The following CSMD3 variants were observed in gnomAD, a reference collection of about 807,000 sequenced individuals.
CSMD3 encodes CUB and Sushi multiple domains 3, also known as CUB and sushi domain-containing protein 3.
A neutral mutation model predicts 435.2 loss-of-function variants in CSMD3; 177 were observed. The ratio of observed to expected loss-of-function variants is 0.41; its 90% CI spans 0.36 to 0.46. CSMD3 has a LOEUF of 0.46. Among genes scored for constraint, CSMD3 ranks in the 20% least tolerant of loss-of-function variants. The pLI is 0.34. For synonymous variants in CSMD3, 1,656 were observed against 1,520.5 expected (o/e 1.09, Z -2.07); for missense variants, 4,265 against 4,504.6 (o/e 0.95, Z 1.52).
chr8:112,898,524 A>G (rs2082014752), intron 10 of CSMD3, among the ~76,000 whole-genome samples: 1 of 151,218 alleles, frequency 6.6e-6, no homozygotes, highest in African/African-American at 2.4e-5. Flanking sequence ...CTTATTTTGT[A>G]TAATTTGAAT....
intron 16 of CSMD3, among the ~76,000 whole-genome samples, chr8:112,679,206 A>C (rs2131765811): frequency 6.6e-6 from 1 of 152,216 alleles, no homozygotes. Context: ...AATCAATATA[A>C]ACCTTAATTA....
intron 10 of CSMD3, among the ~76,000 whole-genome samples, chr8:112,906,555 G>A (rs1241411489): frequency 2.0e-5 from 3 of 151,366 alleles, no homozygotes; most frequent in African/African-American, 7.3e-5. Flanking sequence ...AACAACTAGG[G>A]ATAAGCATCA....
At chr8:112,419,032 T>C (rs1439098712) in intron 32 of CSMD3, among the ~76,000 whole-genome samples, 2 of 152,304 alleles carry the variant, frequency 1.3e-5, no homozygotes, top group African/African-American at 2.4e-5. Context: ...TCCAAAATAA[T>C]TGGACATCTA....
At chr8:112,295,363 C>T (rs1820160956) in intron 54 of CSMD3, among the ~76,000 whole-genome samples, 1 of 151,858 alleles carries the variant, frequency 6.6e-6, no homozygotes, top group Admixed American at 6.6e-5. Flanking sequence ...TAATATATTC[C>T]CCACTGTGCT....
At chr8:112,668,211 T>A (rs762955320) in intron 16 of CSMD3, among the ~76,000 whole-genome samples, 6 of 152,158 alleles carry the variant, frequency 3.9e-5, no homozygotes, top group Non-Finnish European at 8.8e-5. Flanking sequence ...TTCCTAGTTA[T>A]GATGACTCAT....
At chr8:112,517,987 A>G (rs1422787248) in intron 27 of CSMD3, among the ~76,000 whole-genome samples, 3 of 152,196 alleles carry the variant, frequency 2.0e-5, no homozygotes. Context: ...AACTTTATCC[A>G]TAATTGCTAA....
chr8:112,300,143 A>C (rs1323490686), intron 53 of CSMD3, among the ~76,000 whole-genome samples: 2 of 147,318 alleles, frequency 1.4e-5, no homozygotes, highest in African/African-American at 4.9e-5. Flanking sequence ...TATATATTTA[A>C]ATATTTTAAA....
chr8:113,353,793 A>G (rs2094204696), intron 1 of CSMD3, among the ~76,000 whole-genome samples: 1 of 152,054 alleles, frequency 6.6e-6, no homozygotes, highest in Non-Finnish European at 1.5e-5. Flanking sequence ...TATAAATAGT[A>G]TTTTGTGATT....
At chr8:113,118,617 G>C (rs2090903311) in intron 4 of CSMD3, among the ~76,000 whole-genome samples, 1 of 152,222 alleles carries the variant, frequency 6.6e-6, no homozygotes, top group South Asian at 2.1e-4. Context: ...ATCTAGGATT[G>C]TGCCACTGCA....
intron 6 of CSMD3, among the ~76,000 whole-genome samples, chr8:112,986,552 T>A (rs1306152649): frequency 6.6e-6 from 1 of 152,134 alleles, no homozygotes; most frequent in Non-Finnish European, 1.5e-5. Context: ...ATTTAAGTCT[T>A]CAACCATTTT....
At chr8:113,384,556 A>C (rs1409758421) in intron 1 of CSMD3, among the ~76,000 whole-genome samples, 1 of 152,202 alleles carries the variant, frequency 6.6e-6, no homozygotes, top group Non-Finnish European at 1.5e-5. Context: ...GTTTGGGTCT[A>C]TAGAAGGCAT....
At chr8:112,779,319 A>G (rs1049260810) in intron 13 of CSMD3, among the ~76,000 whole-genome samples, 1 of 152,042 alleles carries the variant, frequency 6.6e-6, no homozygotes, top group African/African-American at 2.4e-5. Context: ...ATATTTGAGG[A>G]CAGAATCTAC....
intron 3 of CSMD3, among the ~76,000 whole-genome samples, chr8:113,182,893 TTG>T (rs202219730): frequency 0.065 from 9,840 of 152,110 alleles, 443 homozygotes; most frequent in Non-Finnish European, 0.095. Context: ...GTTGTTGTTG[TTG>T]TTATCGTTTT....
At position 112,986,596 on chromosome 8, in the gene CSMD3, T is replaced by G. The variant is rs2085263031; in HGVS notation, c.1031-10448A>C. Among the ~76,000 whole-genome samples the G allele has an allele frequency of 2.0e-5, 3 of 152,084 alleles. No individual in the cohort carries two copies. In the South Asian group the frequency reaches 6.2e-4, roughly 31 times the overall value. ...AACCATCGAATGCTCTAGTCCTATA[T>G]TCATTATAAAAATACATGTTCTATA... is the stretch of plus-strand genomic sequence containing the variant. On this transcript the variant is annotated intron_variant, in intron 6 of 70. Coordinates refer to ENST00000297405, the MANE Select transcript of CSMD3 (RefSeq NM_198123.2).
At chr8:112,439,864 C>A (rs1347432064) in intron 32 of CSMD3, among the ~76,000 whole-genome samples, 1 of 51,686 alleles carries the variant, frequency 1.9e-5, no homozygotes, top group Non-Finnish European at 5.8e-5. Context: ...CCACTAGGTC[C>A]CCCCCCGCCA....
chr8:113,185,718 GGT>G (rs144207386), intron 3 of CSMD3, among the ~76,000 whole-genome samples: 1 of 151,856 alleles, frequency 6.6e-6, no homozygotes, highest in African/African-American at 2.4e-5. Context: ...TGTATATTTT[GGT>G]GTGTGTGTGT....
Position 112,650,214 on chromosome 8 carries a change from G to A in CSMD3, c.3140C>T (p.Pro1047Leu), listed in dbSNP as rs2075089300. Residue 1047 changes from proline to leucine, a missense_variant, in exon 19 of 71, where the codon CCC becomes CTC. Pro to Leu is a moderately conservative substitution (Grantham distance 98). Coordinates refer to ENST00000297405, the MANE Select transcript of CSMD3 (RefSeq NM_198123.2). ...DSGYRLSHEEPLLCEKNHWWS... is the reference protein window; with the variant it reads ...DSGYRLSHEELLLCEKNHWWS... ...CCAGTGGTTTTTTTCGCATAGAAGG[G>A]GCTCTTCATGACTCAACCTGTATCC... 5 of 1,613,888 alleles carry A rather than the reference G, an allele frequency of 3.1e-6. No homozygotes were observed. The East Asian group carries it at 1.1e-4, about 36-fold the overall frequency.
intron 10 of CSMD3, among the ~76,000 whole-genome samples, chr8:112,883,165 G>A (rs900486089): frequency 2.0e-5 from 3 of 151,790 alleles, no homozygotes; most frequent in African/African-American, 4.8e-5. Flanking sequence ...AGTTTTGCCC[G>A]ATCTTCCAAT....
At chr8:112,610,914 C>G (rs1052224375) in intron 22 of CSMD3, among the ~76,000 whole-genome samples, 1 of 152,160 alleles carries the variant, frequency 6.6e-6, no homozygotes, top group Non-Finnish European at 1.5e-5. Context: ...AAGCTTCATG[C>G]TTTCTTCCTC....
Sources: allele counts gnomAD v4.1 joint callset (sites outside exome capture counted in the v4.1 genomes callset), GRCh38; gene constraint gnomAD v4.1.1; transcripts MANE v1.5; gene names NCBI Gene and HGNC (gene_info 2026-07-23, HGNC 2026-07-21).